Variants in KIRREL3 observed in about 807,000 individuals in gnomAD.
KIRREL3 encodes the protein kirre like nephrin family adhesion molecule 3, also known as kin of IRRE-like protein 3.
KIRREL3 carries 36 observed loss-of-function variants against 89.7 expected under a neutral mutation model. That is an observed-to-expected ratio of 0.40 (90% CI 0.31 to 0.53). KIRREL3 has a LOEUF of 0.53. Ranked by LOEUF, KIRREL3 falls within the 20% of genes least tolerant of loss-of-function variation. The probability of loss-of-function intolerance (pLI) is 0.49; values close to 1 mark genes in which losing one functional copy is unlikely to be tolerated. For synonymous variants in KIRREL3, 445 were observed against 441.4 expected, an observed-to-expected ratio of 1.01 and a Z score of -0.10; for missense variants, 864 against 1,056.6, an observed-to-expected ratio of 0.82 and a Z score of 2.53.
rs369411737 is a variant in KIRREL3 at position 126,448,777 on chromosome 11, G to C, written c.997+232C>G. 1.2e-4 allele frequency among the ~76,000 whole-genome samples: 18 copies of C among 152,296 alleles called. No homozygotes were observed. In the East Asian group the frequency reaches 3.1e-3, roughly 26 times the overall value. ...CAGCCATTTAAGCCACCGAGTCTAT[G>C]GTAACGTGTCATAGCAGCCCCAGCC... On this transcript the variant is annotated intron_variant, in intron 8 of 16. Coordinates refer to ENST00000525144, the MANE Select transcript of KIRREL3 (RefSeq NM_032531.4).
rs116276736 is a variant in KIRREL3, at chr11:126,725,836, C to T, written c.56-162924G>A. Among the ~76,000 whole-genome samples the T allele has an allele frequency of 2.6e-3, 391 of 152,292 alleles. 2 individuals carry two copies. The highest frequency in any genetic ancestry group is 8.9e-3 in the African/African-American group (370 of 41,558). On this transcript the variant is annotated intron_variant, in intron 1 of 16. Coordinates refer to ENST00000525144, the MANE Select transcript of KIRREL3 (RefSeq NM_032531.4). ...GATTGGCCACCAACTCACTGAGGGA[C>T]TTTGTCAAGTTGCTTCCCCTCGCTG...
intron 1 of KIRREL3, among the ~76,000 whole-genome samples, chr11:126,816,235 G>A (rs1345116562): frequency 6.6e-6 from 1 of 152,138 alleles, no homozygotes; most frequent in Non-Finnish European, 1.5e-5. Context: ...TTAGAAAGTA[G>A]GTAAATAACA....
chr11:126,999,765 T>A lies in KIRREL3; in HGVS notation c.55+690A>T, dbSNP rs1255731500. 1.3e-5 allele frequency among the ~76,000 whole-genome samples: 2 copies of A among 152,176 alleles called. No homozygotes were observed. The highest frequency in any genetic ancestry group is 3.9e-4 in the East Asian group (2 of 5,192). On this transcript the variant is annotated intron_variant, in intron 1 of 16. Transcript: ENST00000525144. This position sits in a 1 kb window ranked among gnomAD's most constrained non-coding sequence, Gnocchi z 5.7. ...AGTTCTTTCCGGAGAGTCCACCTGC[T>A]TCTCTGCCCCTGCTAGGCTGCAGAA...
chr11:126,923,268 TCCTTCTCC>T lies in KIRREL3; in HGVS notation c.55+77179_55+77186del, dbSNP rs1565424296. Among the ~76,000 whole-genome samples the T allele has an allele frequency of 3.1e-3, 253 of 82,280 alleles. 50 individuals carry two copies. Among genetic ancestry groups the T allele is most frequent in the African/African-American group, 8.6e-3 (138 of 16,140 alleles). The allele number at this position is 82,280 out of a possible 152,430, so 54.0% of individuals were successfully genotyped here. On this transcript the variant is annotated intron_variant, in intron 1 of 16. Coordinates refer to ENST00000525144, the MANE Select transcript of KIRREL3 (RefSeq NM_032531.4). ...CTTCTTCTTCTTCTTCTTCTTCTTC[TCCTTCTCC>T]TTCTCCTTCTCCTTCTCCTTCTTCC...
chr11:126,487,532 A>C (rs1239758414), intron 4 of KIRREL3, among the ~76,000 whole-genome samples: 1 of 152,214 alleles, frequency 6.6e-6, no homozygotes, highest in Non-Finnish European at 1.5e-5. Context: ...TACCAGATCC[A>C]CTGTTTGCCA....
At chr11:126,730,855 C>T (rs1056957247) in intron 1 of KIRREL3, among the ~76,000 whole-genome samples, 20 of 152,192 alleles carry the variant, frequency 1.3e-4, no homozygotes, top group African/African-American at 4.8e-4. Flanking sequence ...TCTCCTGCCT[C>T]AGCCTCCCGA....
chr11:126,634,225 A>G (rs771070863), intron 1 of KIRREL3, among the ~76,000 whole-genome samples: 7 of 152,004 alleles, frequency 4.6e-5, no homozygotes, highest in Non-Finnish European at 8.8e-5. Context: ...ATCAGACCCT[A>G]CTCTACTTTC....
rs1426156628 is a variant in KIRREL3 at position 126,843,463 on chromosome 11, C to T, written c.55+156992G>A. ...TGGGGAGAAACTCCATTCCCAAAGT[C>T]CTGCTTTCAATTGTGATCTGCCCAG... On this transcript the variant is annotated intron_variant, in intron 1 of 16. Coordinates refer to ENST00000525144, the MANE Select transcript of KIRREL3 (RefSeq NM_032531.4). This position sits in a 1 kb window ranked among gnomAD's most constrained non-coding sequence, Gnocchi z 4.6. Among the ~76,000 whole-genome samples the T allele has an allele frequency of 6.6e-6, 1 of 152,114 alleles. No homozygotes were observed. Among genetic ancestry groups the T allele is most frequent in the Non-Finnish European group, 1.5e-5 (1 of 68,018 alleles).
rs912991409 is a variant in KIRREL3 at position 126,627,850 on chromosome 11, T to TCC, written c.56-64940_56-64939dup. Among the ~76,000 whole-genome samples, 4 of 152,120 alleles carry TCC rather than the reference T, an allele frequency of 2.6e-5. No homozygotes were observed. The highest frequency in any genetic ancestry group is 2.9e-5 in the Non-Finnish European group (2 of 67,998). ...TCTGAGCACCATGAGCCTCTCTCTCTCCCATGTGTAGTGAGAGGATAGGTG... is the reference window on the plus strand; with the variant it reads ...TCTGAGCACCATGAGCCTCTCTCTCTCCCCCATGTGTAGTGAGAGGATAGGTG... On this transcript the variant is annotated intron_variant, in intron 1 of 16. Coordinates refer to ENST00000525144, the MANE Select transcript of KIRREL3 (RefSeq NM_032531.4). This position sits in a 1 kb window ranked among gnomAD's most constrained non-coding sequence, Gnocchi z 5.0.
chr11:126,609,662 C>T lies in KIRREL3; in HGVS notation c.56-46750G>A, dbSNP rs535225229. Among the ~76,000 whole-genome samples, 2 of 152,168 alleles carry T rather than the reference C, an allele frequency of 1.3e-5. No individual in the cohort carries two copies. The highest frequency in any genetic ancestry group is 2.1e-4 in the South Asian group (1 of 4,806). On this transcript the variant is annotated intron_variant, in intron 1 of 16. Transcript: ENST00000525144. The surrounding 1 kb of genome is among the most constrained non-coding windows in gnomAD (Gnocchi z 5.0). ...AACTGGGATCGTGTTCTGGGGGTTC[C>T]GAACTTTGGCTGCATATTGGAATTA...
chr11:126,785,137 T>TC (rs1950448108), intron 1 of KIRREL3, among the ~76,000 whole-genome samples: 1 of 152,106 alleles, frequency 6.6e-6, no homozygotes, highest in African/African-American at 2.4e-5. Flanking sequence ...GGCAAGGGAA[T>TC]GTGGCTGGTG....
chr11:126,964,921 T>C (rs1225470015), intron 1 of KIRREL3, among the ~76,000 whole-genome samples: 2 of 152,180 alleles, frequency 1.3e-5, no homozygotes, highest in African/African-American at 2.4e-5. Context: ...TACTATTTCA[T>C]TAGATTGTCT....
chr11:126,720,223 A>G (rs1040190322), intron 1 of KIRREL3, among the ~76,000 whole-genome samples: 1 of 152,200 alleles, frequency 6.6e-6, no homozygotes, highest in African/African-American at 2.4e-5. Flanking sequence ...GTGTTTGTCC[A>G]CTACTGTATC....
At chr11:126,822,402 A>G (rs558612557) in intron 1 of KIRREL3, among the ~76,000 whole-genome samples, 1 of 152,316 alleles carries the variant, frequency 6.6e-6, no homozygotes, top group South Asian at 2.1e-4. Flanking sequence ...TAATTTCAGT[A>G]GCTCTGCTTA....
At chr11:126,584,034 AC>A (rs1291183765) in intron 1 of KIRREL3, among the ~76,000 whole-genome samples, 1 of 152,188 alleles carries the variant, frequency 6.6e-6, no homozygotes, top group Admixed American at 6.5e-5. Context: ...TGTTAGCTTA[AC>A]GTAGCTGACA....
intron 1 of KIRREL3, among the ~76,000 whole-genome samples, chr11:126,746,998 TC>T (rs1949173860): frequency 6.6e-6 from 1 of 152,204 alleles, no homozygotes; most frequent in African/African-American, 2.4e-5. Flanking sequence ...GCTGGCTGCT[TC>T]CAGGGTATAT....
rs576583255 is a variant in KIRREL3 at position 126,977,644 on chromosome 11, G to T, written c.55+22811C>A. ...TGGCACAATGCCTGGCACATAGTGGGTGTTCGATAAATATTTGTTGAAAAA... is the reference window on the plus strand; with the variant it reads ...TGGCACAATGCCTGGCACATAGTGGTTGTTCGATAAATATTTGTTGAAAAA... On this transcript the variant is annotated intron_variant, in intron 1 of 16. Coordinates refer to ENST00000525144, the MANE Select transcript of KIRREL3 (RefSeq NM_032531.4). This position sits in a 1 kb window ranked among gnomAD's most constrained non-coding sequence, Gnocchi z 4.7. 6.6e-6 allele frequency among the ~76,000 whole-genome samples: 1 copy of T among 152,338 alleles called. No individual in the cohort carries two copies. Among genetic ancestry groups the T allele is most frequent in the Admixed American group, 6.5e-5 (1 of 15,310 alleles).
intron 1 of KIRREL3, among the ~76,000 whole-genome samples, chr11:126,973,063 C>A: frequency 1.6e-5 from 2 of 123,394 alleles, no homozygotes; most frequent in Admixed American, 1.0e-4. Flanking sequence ...AACAATTTAG[C>A]AGACAACTTA....
At chr11:126,469,508 G>C (rs566140849) in intron 5 of KIRREL3, among the ~76,000 whole-genome samples, 1 of 152,226 alleles carries the variant, frequency 6.6e-6, no homozygotes, top group Non-Finnish European at 1.5e-5. Flanking sequence ...ACAGCCCCCA[G>C]AGCCTGCTCC....
Sources: gnomAD v4.1 joint callset for allele counts (sites outside exome capture counted in the v4.1 genomes callset) on GRCh38, gnomAD v4.1.1 for gene constraint, Gnocchi (gnomAD v3.1) non-coding constraint, MANE v1.5 for transcripts, NCBI Gene and HGNC (gene_info 2026-07-23, HGNC 2026-07-21) for gene names.